The following RASGEF1B variants were observed in gnomAD, a reference collection of about 807,000 sequenced individuals.
The protein encoded by RASGEF1B is RasGEF domain family member 1B.
Under a neutral mutation model 65.7 loss-of-function variants are expected in RASGEF1B, and 30 were observed. The ratio of observed to expected loss-of-function variants is 0.46; its 90% CI spans 0.34 to 0.62. The LOEUF (loss-of-function observed/expected upper bound fraction) is 0.62. Ranked by LOEUF, RASGEF1B falls within the 20% of genes least tolerant of loss-of-function variation. RASGEF1B has a pLI of 0.01. For synonymous variants in RASGEF1B, 175 were observed against 194.8 expected (o/e 0.90, Z 0.85); for missense variants, 495 against 580.1 (o/e 0.85, Z 1.51).
intron 4 of RASGEF1B, among the ~76,000 whole-genome samples, chr4:81,450,213 CTT>C (rs972929237): frequency 6.6e-6 from 1 of 152,038 alleles, no homozygotes; most frequent in Non-Finnish European, 1.5e-5. Flanking sequence ...ATTTTATAAA[CTT>C]GAGTTACAGT....
chr4:81,435,242 T>A (rs1030470603), intron 10 of RASGEF1B, among the ~76,000 whole-genome samples: 5 of 151,404 alleles, frequency 3.3e-5, no homozygotes, highest in African/African-American at 1.2e-4. Flanking sequence ...AAACCCCGTC[T>A]CTACTAAAAA....
chr4:81,459,081 T>G (rs1387259477), intron 2 of RASGEF1B: 1 of 353,270 alleles, frequency 2.8e-6, no homozygotes, highest in Non-Finnish European at 5.1e-6. Flanking sequence ...GATACTTCAT[T>G]TAGATGGTAT....
chr4:81,443,962 C>T (rs1479940327), intron 8 of RASGEF1B, among the ~76,000 whole-genome samples: 1 of 152,194 alleles, frequency 6.6e-6, no homozygotes, highest in Non-Finnish European at 1.5e-5. Context: ...TTTAAAATTC[C>T]AGTCATTCTA....
chr4:81,470,518 C>T (rs1722984552), intron 1 of RASGEF1B, among the ~76,000 whole-genome samples: 1 of 152,278 alleles, frequency 6.6e-6, no homozygotes, highest in African/African-American at 2.4e-5. Flanking sequence ...CCCCTTTATG[C>T]ACCCAGTTCA....
intron 10 of RASGEF1B, among the ~76,000 whole-genome samples, chr4:81,435,741 C>T (rs1721608788): frequency 7.0e-6 from 1 of 142,314 alleles, no homozygotes; most frequent in South Asian, 2.3e-4. Context: ...TCCCAAAGTG[C>T]TGGGATTACA....
intron 13 of RASGEF1B, 46 bp downstream of exon 13, chr4:81,432,253 C>G: frequency 7.4e-7 from 1 of 1,343,156 alleles, no homozygotes; most frequent in East Asian, 2.3e-5. Flanking sequence ...TCAAGGAAAG[C>G]CAATTTCCTT....
rs570768061 is a variant in RASGEF1B, at chr4:81,455,033, A to G, written c.438+1618T>C. 49 of 152,490 alleles carry G rather than the reference A, an allele frequency of 3.2e-4. 1 individual carries two copies. The South Asian group carries it at 0.01, about 32-fold the overall frequency. The allele number at this position is 152,490 out of a possible 1,614,324, so 9.4% of individuals were successfully genotyped here. A position where few individuals can be genotyped will look rare whatever the true frequency, so the allele number is the denominator to read the frequency against. ...AGTAAAATTAAAACACACTTGCAAC[A>G]TAAATCCTGTGCATGAGCTGACATG... On this transcript the variant is annotated intron_variant, in intron 4 of 13. Transcript: ENST00000264400.
intron 10 of RASGEF1B, among the ~76,000 whole-genome samples, chr4:81,436,966 G>T (rs1478564679): frequency 1.3e-5 from 2 of 152,114 alleles, no homozygotes; most frequent in African/African-American, 4.8e-5. Context: ...AATTAGTAAA[G>T]ATCTCATTAC....
At chr4:81,464,629 G>C (rs1209798017) in intron 1 of RASGEF1B, among the ~76,000 whole-genome samples, 3 of 152,108 alleles carry the variant, frequency 2.0e-5, no homozygotes, top group Non-Finnish European at 4.4e-5. Flanking sequence ...TTACACACCA[G>C]TTTTCATATA....
At chr4:81,460,654 T>C (rs970663475) in intron 1 of RASGEF1B, among the ~76,000 whole-genome samples, 50 of 152,308 alleles carry the variant, frequency 3.3e-4, no homozygotes, top group Admixed American at 3.2e-3. Flanking sequence ...ACACAGAGCA[T>C]CACATCCTGT....
chr4:81,447,648 A>G, intron 5 of RASGEF1B, 70 bp from the exon 6 acceptor site: 2 of 1,134,030 alleles, frequency 1.8e-6, no homozygotes, highest in African/African-American at 1.5e-5. Flanking sequence ...AACTCCCTCT[A>G]TGACTATTGG....
At chr4:81,432,694 G>A (rs1365299892) in intron 12 of RASGEF1B, among the ~76,000 whole-genome samples, 1 of 148,756 alleles carries the variant, frequency 6.7e-6, no homozygotes, top group East Asian at 1.9e-4. Context: ...ACAAAGAAAG[G>A]GGTGGGAGTT....
intron 1 of RASGEF1B, among the ~76,000 whole-genome samples, chr4:81,469,806 T>A (rs1722961789): frequency 6.6e-6 from 1 of 152,104 alleles, no homozygotes; most frequent in African/African-American, 2.4e-5. Flanking sequence ...TCAGATAAAA[T>A]ATCCAGTGGA....
Position 81,447,574 on chromosome 4 carries a change from C to A in RASGEF1B, c.659G>T (p.Arg220Met). The change falls in exon 6 of 14, where the codon AGG becomes ATG. Residue 220 changes from arginine (R) to methionine (M), a missense_variant. Coordinates refer to ENST00000264400, the MANE Select transcript of RASGEF1B (RefSeq NM_152545.3). ...AQQLTHIELERLNYIGPEEFV... is the reference protein window; with the variant it reads ...AQQLTHIELEMLNYIGPEEFV... ...TTCTTCTGGCCCAATATAATTGAGC[C>A]TCTCCTGAAACACAAACCCAGAAGG... 1.2e-6 allele frequency: 2 copies of A among 1,613,660 alleles called. No homozygotes were observed. Among genetic ancestry groups the A allele is most frequent in the Non-Finnish European group, 1.7e-6 (2 of 1,179,706 alleles).
At chr4:81,429,654 A>C (rs1039777708) in intron 13 of RASGEF1B, among the ~76,000 whole-genome samples, 2 of 152,232 alleles carry the variant, frequency 1.3e-5, no homozygotes, top group Non-Finnish European at 2.9e-5. Flanking sequence ...GGTGAGGAAC[A>C]CATCTGCTGA....
At chr4:81,447,713 A>C (rs988496115) in intron 5 of RASGEF1B, 135 bp from the exon 6 acceptor site, 1 of 723,510 alleles carries the variant, frequency 1.4e-6, no homozygotes, top group Non-Finnish European at 2.3e-6. Context: ...GCCCTAAATA[A>C]TTTCATCATC....
intron 10 of RASGEF1B, among the ~76,000 whole-genome samples, chr4:81,440,495 G>A (rs1208671314): frequency 6.6e-6 from 1 of 152,158 alleles, no homozygotes; most frequent in Non-Finnish European, 1.5e-5. Context: ...CTTGTGCAGA[G>A]CTTAAATGTC....
At chr4:81,447,456 T>A (rs2109980734) in intron 6 of RASGEF1B, 48 bp downstream of exon 6, 3 of 1,365,594 alleles carry the variant, frequency 2.2e-6, no homozygotes, top group Non-Finnish European at 1.0e-6. Flanking sequence ...CATAGACTGA[T>A]AAATCCCATT....
intron 1 of RASGEF1B, among the ~76,000 whole-genome samples, 191 bp from the exon 2 acceptor site, chr4:81,459,705 C>T (rs1159507883): frequency 6.6e-6 from 1 of 152,148 alleles, no homozygotes; most frequent in Non-Finnish European, 1.5e-5. Flanking sequence ...CGTATGCATG[C>T]TTTTGAGTAC....
Sources: allele counts gnomAD v4.1 joint callset (sites outside exome capture counted in the v4.1 genomes callset), GRCh38; gene constraint gnomAD v4.1.1; transcripts MANE v1.5; gene names NCBI Gene and HGNC (gene_info 2026-07-23, HGNC 2026-07-21).